DNAH1: variants seen among roughly 807,000 people sequenced by gnomAD.
DNAH1 encodes axonemal beta dynein heavy chain 1.
DNAH1 carries 327 observed loss-of-function variants against 484.3 expected under a neutral mutation model. That is an observed-to-expected ratio of 0.68 (90% CI 0.62 to 0.74). The LOEUF (loss-of-function observed/expected upper bound fraction) is 0.74, where lower values mean the gene tolerates loss of function less well. Ranked by LOEUF, DNAH1 falls within the 30% of genes least tolerant of loss-of-function variation. The pLI is 0.00. For synonymous variants in DNAH1, 2,192 were observed against 2,191.9 expected (o/e 1.00, Z 0.00); for missense variants, 5,052 against 5,546.8 (o/e 0.91, Z 2.83).
chr3:52,393,813 C>T (rs551491484), intron 66 of DNAH1, among the ~76,000 whole-genome samples: 1 of 152,306 alleles, frequency 6.6e-6, no homozygotes, highest in Non-Finnish European at 1.5e-5. Context: ...GCAGGAGAAT[C>T]GCTTGAACCC....
intron 3 of DNAH1, among the ~76,000 whole-genome samples, chr3:52,324,432 A>G (rs1030376635): frequency 2.6e-5 from 4 of 152,096 alleles, no homozygotes; most frequent in Non-Finnish European, 4.4e-5. Context: ...CAGGGGCTCC[A>G]GGAGAAGCTC....
intron 1 of DNAH1, among the ~76,000 whole-genome samples, chr3:52,318,365 G>C (rs899139673): frequency 1.3e-5 from 2 of 152,242 alleles, no homozygotes; most frequent in African/African-American, 4.8e-5. Context: ...ACTTCAAACA[G>C]CCTTGCAGTG....
Position 52,328,003 on chromosome 3 carries a change from TC to T in DNAH1, c.862del (p.Leu288TrpfsTer11). On this transcript the variant is annotated frameshift_variant, in exon 6 of 78. Transcript: ENST00000420323. LOFTEE classifies it high-confidence loss of function. Reference sequence around the variant, plus strand: ...AAAGCCCTCTTGCCCACTGATGACTTCCTGGGGCATGGTGAGCAAGGCCACT... The same window carrying T: ...AAAGCCCTCTTGCCCACTGATGACTTCTGGGGCATGGTGAGCAAGGCCACT... Reference protein sequence around the residue: ...PGKALLPTDDFLGHEDPKSQK... With the variant: ...PGKALLPTDDXLGHEDPKSQK... 6.2e-7 allele frequency: 1 copy of T among 1,613,786 alleles called. No individual in the cohort carries two copies. The highest frequency in any genetic ancestry group is 8.5e-7 in the Non-Finnish European group (1 of 1,179,740).
chr3:52,340,557 C>T (rs1002703690), intron 8 of DNAH1, among the ~76,000 whole-genome samples: 16 of 152,216 alleles, frequency 1.1e-4, no homozygotes, highest in African/African-American at 3.9e-4. Context: ...GCCTCAGCCT[C>T]CCGAGTAGCT....
At chr3:52,391,143 G>A (rs1224944769) in intron 61 of DNAH1, 36 bp from the exon 62 acceptor site, 2 of 1,612,604 alleles carry the variant, frequency 1.2e-6, no homozygotes, top group African/African-American at 2.7e-5. Context: ...CTGGCTCTCA[G>A]TCCCTGCAAC....
At chr3:52,357,499 T>G (rs2153224206) in intron 22 of DNAH1, 115 bp from the exon 23 acceptor site, 1 of 1,373,536 alleles carries the variant, frequency 7.3e-7, no homozygotes, top group Non-Finnish European at 9.8e-7. Context: ...TTCTGCATCT[T>G]CTTTCCCAGG....
upstream of DNAH1, among the ~76,000 whole-genome samples, chr3:52,313,821 T>A (rs1413539712): frequency 6.6e-6 from 1 of 152,150 alleles, no homozygotes; most frequent in East Asian, 1.9e-4. Flanking sequence ...TTGGTGTCCC[T>A]CACACCACTC....
intron 6 of DNAH1, among the ~76,000 whole-genome samples, chr3:52,329,436 C>T (rs971576407): frequency 1.1e-4 from 16 of 152,180 alleles, no homozygotes; most frequent in African/African-American, 3.9e-4. Context: ...TGTTTACCAT[C>T]CTTTACTCAG....
rs2153223687 is a variant in DNAH1 at position 52,344,570 on chromosome 3, A to G, written c.1367A>G (p.His456Arg). Residue 456 changes from histidine (H) to arginine (R), a missense_variant, in exon 9 of 78, where the codon CAC becomes CGC. By Grantham distance (29) the His-to-Arg change is conservative. Coordinates refer to ENST00000420323, the MANE Select transcript of DNAH1 (RefSeq NM_015512.5). Reference protein sequence around the residue: ...ERSMNKINFDHVVSSKPETFS... With the variant: ...ERSMNKINFDRVVSSKPETFS... Reference sequence around the variant, plus strand: ...AGCATGAACAAGATCAACTTTGACCACGTTGTCTCTTCCAAGCCCGAGACC... The same window carrying G: ...AGCATGAACAAGATCAACTTTGACCGCGTTGTCTCTTCCAAGCCCGAGACC... The G allele has an allele frequency of 6.2e-7, 1 of 1,613,970 alleles. No individual in the cohort carries two copies. Among genetic ancestry groups the G allele is most frequent in the Non-Finnish European group, 8.5e-7 (1 of 1,179,862 alleles).
intron 77 of DNAH1, 43 bp downstream of exon 77, chr3:52,399,822 C>A: frequency 6.3e-7 from 1 of 1,583,716 alleles, no homozygotes; most frequent in South Asian, 1.1e-5. Flanking sequence ...GGCGGGGACC[C>A]AGGACTAACC....
chr3:52,390,491 A>G (rs1210376787), intron 60 of DNAH1, among the ~76,000 whole-genome samples: 1 of 152,218 alleles, frequency 6.6e-6, no homozygotes, highest in Non-Finnish European at 1.5e-5. Flanking sequence ...TCTGAAGGGC[A>G]GGGAGAGTTG....
Position 52,356,597 on chromosome 3 carries a change from G to T in DNAH1, c.3694-17G>T. On this transcript the variant is annotated splice_polypyrimidine_tract_variant and intron_variant, in intron 21 of 77. Coordinates refer to ENST00000420323, the MANE Select transcript of DNAH1 (RefSeq NM_015512.5). ...GACAGTCCATATCACACCCCTCCCT[G>T]CCCCTCCCCTCCCCAGGAGGTTCTG... The T allele has an allele frequency of 6.2e-7, 1 of 1,612,108 alleles. No homozygotes were observed. The highest frequency in any genetic ancestry group is 8.5e-7 in the Non-Finnish European group (1 of 1,179,634).
chr3:52,370,836 G>T lies in DNAH1; in HGVS notation c.6525+11G>T. 3.8e-6 allele frequency: 6 copies of T among 1,579,878 alleles called. No individual in the cohort carries two copies. Among genetic ancestry groups the T allele is most frequent in the Non-Finnish European group, 5.2e-6 (6 of 1,163,788 alleles). ...GAGGAATACAAGCAGGTGGCCGCAG[G>T]CCCTCCCCAGAGACTGCACAGGGAG... On this transcript the variant is annotated intron_variant, in intron 41 of 77. Coordinates refer to ENST00000420323, the MANE Select transcript of DNAH1 (RefSeq NM_015512.5).
At position 52,358,506 on chromosome 3, in the gene DNAH1, G is replaced by A; in HGVS notation, c.4087-52G>A. 1 of 1,537,964 alleles carries A rather than the reference G, an allele frequency of 6.5e-7. No individual in the cohort carries two copies. Among genetic ancestry groups the A allele is most frequent in the Non-Finnish European group, 8.8e-7 (1 of 1,140,596 alleles). On this transcript the variant is annotated intron_variant, in intron 24 of 77. Coordinates refer to ENST00000420323, the MANE Select transcript of DNAH1 (RefSeq NM_015512.5). This position sits in a 1 kb window ranked among gnomAD's most constrained non-coding sequence, Gnocchi z 4.2. ...TTAGCGCTGGGGCTGTGGTGGCCAG[G>A]GCATCTGGGCACACCAGGGTGACCC...
chr3:52,383,738 A>G, intron 51 of DNAH1, 122 bp from the exon 52 acceptor site: 1 of 1,412,216 alleles, frequency 7.1e-7, no homozygotes, highest in African/African-American at 1.4e-5. Flanking sequence ...CATTGGGCCC[A>G]GGCTGCTGTG....
At chr3:52,359,831 GT>G (rs1702780620) in intron 26 of DNAH1, 84 bp from the exon 27 acceptor site, 2 of 1,553,102 alleles carry the variant, frequency 1.3e-6, no homozygotes, top group South Asian at 2.4e-5. Flanking sequence ...GGGACTGTTT[GT>G]GGCAGAAGCC....
chr3:52,371,251 A>G (rs1221990247), intron 41 of DNAH1, among the ~76,000 whole-genome samples: 1 of 152,248 alleles, frequency 6.6e-6, no homozygotes, highest in East Asian at 1.9e-4. Context: ...CAAGGGCTCC[A>G]TGAGCTCACC....
At position 52,388,598 on chromosome 3, in the gene DNAH1, C is replaced by T. The variant is rs371940272; in HGVS notation, c.9352C>T (p.Arg3118Ter). The change falls in exon 58 of 78, where the codon CGA becomes TGA. Residue 3118 changes from arginine to a stop codon, truncating the protein, a stop_gained. Coordinates refer to ENST00000420323, the MANE Select transcript of DNAH1 (RefSeq NM_015512.5). LOFTEE classifies it high-confidence loss of function. Reference sequence around the variant, plus strand: ...TGAGCAGTGTGAGCAGCGGCTGGGCCGAGCTGGCAAGGTGCGCACCCTCCT... The same window carrying T: ...TGAGCAGTGTGAGCAGCGGCTGGGCTGAGCTGGCAAGGTGCGCACCCTCCT... The part of the protein sequence containing the change: ...KCEQCEQRLG[R>*]AGKLINGLSD... 6 of 1,611,790 alleles carry T rather than the reference C, an allele frequency of 3.7e-6. No individual in the cohort carries two copies. Among genetic ancestry groups the T allele is most frequent in the African/African-American group, 1.3e-5 (1 of 74,928 alleles).
In DNAH1 at chr3:52,390,785, C is replaced by T; in HGVS notation, c.9622-150C>T. ...CGGGAGTCCTGGGGGTGAGGCATTG[C>T]CTACATTGTCACCTGCCCCCAACCT... On this transcript the variant is annotated intron_variant, in intron 60 of 77. Transcript: ENST00000420323. 3 of 1,210,796 alleles carry T rather than the reference C, an allele frequency of 2.5e-6. No individual in the cohort carries two copies. In the South Asian group the frequency reaches 4.5e-5, roughly 18 times the overall value. The allele number at this position is 1,210,796 out of a possible 1,614,324, so 75.0% of individuals were successfully genotyped here.
Sources: allele counts gnomAD v4.1 joint callset (sites outside exome capture counted in the v4.1 genomes callset), GRCh38; gene constraint gnomAD v4.1.1; non-coding constraint Gnocchi (gnomAD v3.1); transcripts MANE v1.5; gene names NCBI Gene and HGNC (gene_info 2026-07-23, HGNC 2026-07-21).